The following MLH3 variants were observed in gnomAD, a reference collection of about 807,000 sequenced individuals.
MLH3 encodes DNA mismatch repair protein Mlh3.
Under a neutral mutation model 122.2 loss-of-function variants are expected in MLH3, and 82 were observed. The observed-to-expected ratio is 0.67, with a 90% CI of 0.56 to 0.81. The LOEUF (loss-of-function observed/expected upper bound fraction) is 0.81, where lower values mean the gene tolerates loss of function less well. MLH3 is among the 30% of genes least tolerant of loss of function. MLH3 has a pLI of 0.00. For missense variants in MLH3, 1,539 were observed against 1,714.5 expected (o/e 0.90, Z 1.81); for synonymous variants, 524 against 599.5 (o/e 0.87, Z 1.84).
chr14:75,033,269 C>T, intron 7 of MLH3, 150 bp downstream of exon 7: 1 of 710,854 alleles, frequency 1.4e-6, no homozygotes, highest in Non-Finnish European at 2.5e-6. Context: ...TCAATTATAA[C>T]ACAGGCCAAA....
chr14:75,050,672 T>C (rs532836072), intron 1 of MLH3, among the ~76,000 whole-genome samples: 2 of 152,262 alleles, frequency 1.3e-5, no homozygotes, highest in African/African-American at 4.8e-5. Flanking sequence ...AGTGCTGGGA[T>C]TACAGGTGTG....
intron 1 of MLH3, 29 bp from the exon 2 acceptor site, chr14:75,049,747 A>T (rs1892542405): frequency 2.4e-6 from 3 of 1,248,754 alleles, no homozygotes; most frequent in Admixed American, 2.0e-5. Flanking sequence ...ACACACGCAC[A>T]TAATCAAAGC....
chr14:75,025,941 C>T (rs186629928), intron 9 of MLH3, among the ~76,000 whole-genome samples: 2 of 152,288 alleles, frequency 1.3e-5, no homozygotes, highest in East Asian at 1.9e-4. Context: ...ATTCCTTTCA[C>T]GTTTGATTGC....
chr14:75,026,888 C>T (rs1487027186), intron 9 of MLH3, among the ~76,000 whole-genome samples: 1 of 152,074 alleles, frequency 6.6e-6, no homozygotes, highest in Non-Finnish European at 1.5e-5. Context: ...CACCTGAGGT[C>T]AGGAGTTTGA....
At chr14:75,037,561 G>A (rs1891503351) in intron 6 of MLH3, among the ~76,000 whole-genome samples, 1 of 152,022 alleles carries the variant, frequency 6.6e-6, no homozygotes, top group Non-Finnish European at 1.5e-5. Context: ...TGTAAATATT[G>A]ACAAACCTAG....
chr14:75,040,449 CAAAAAAAAAAAAAAAAAAA>C (rs36233766), intron 4 of MLH3, among the ~76,000 whole-genome samples: 39 of 35,592 alleles, frequency 1.1e-3, no homozygotes, highest in African/African-American at 3.5e-3. Flanking sequence ...GACTCTGTCA[CAAAAAAAAAAAAAAAAAAA>C]AAAAAAAAAA....
rs1278350332 is a variant in MLH3, at chr14:75,017,177, G to A, written c.4267C>T (p.Arg1423Cys). 10 of 1,611,820 alleles carry A rather than the reference G, an allele frequency of 6.2e-6. No homozygotes were observed. Among genetic ancestry groups the A allele is most frequent in the East Asian group, 4.5e-5 (2 of 44,882 alleles). ...AGACGCCAGGCCTGGGCCATTTTGC[G>A]AAGTTTAGTGAGGTTGGGTTTAATC... ...KQIKPNLTKLRKMAQAWRLFG... is the reference protein window; with the variant it reads ...KQIKPNLTKLCKMAQAWRLFG... The change falls in exon 13 of 13, where the codon CGC becomes TGC. Residue 1423 changes from arginine (R) to cysteine (C), a missense_variant. Arg to Cys is a radical substitution (Grantham distance 180, BLOSUM62 -3). Coordinates refer to ENST00000355774, the MANE Select transcript of MLH3 (RefSeq NM_001040108.2).
intron 8 of MLH3, 141 bp downstream of exon 8, chr14:75,031,924 ACTT>A: frequency 1.4e-6 from 1 of 696,616 alleles, no homozygotes; most frequent in South Asian, 1.5e-5. Context: ...CTGCTCCACT[ACTT>A]AATAACTGCT....
rs61755654 is a variant in MLH3, at chr14:75,047,831, T to C, written c.1825A>G (p.Ile609Val). 6.8e-6 allele frequency: 11 copies of C among 1,613,534 alleles called. No individual in the cohort carries two copies. In the African/African-American group the frequency reaches 9.3e-5, roughly 14 times the overall value. ...TTTTCATTTTGTACTACATGAGTTA[T>C]AAAGCCAGTGGAACATAATTTAACT... is the stretch of plus-strand genomic sequence containing the variant. Reference protein sequence around the residue: ...GRVKLCSTGFITHVVQNEKTK... With the variant: ...GRVKLCSTGFVTHVVQNEKTK... Residue 609 changes from isoleucine to valine, a missense_variant, in exon 2 of 13, where the codon ATA becomes GTA. Physicochemically the swap from Ile to Val is conservative, Grantham distance 29. Transcript: ENST00000355774.
chr14:75,045,187 G>A (rs542040094), intron 2 of MLH3, among the ~76,000 whole-genome samples: 6 of 152,232 alleles, frequency 3.9e-5, no homozygotes, highest in East Asian at 3.9e-4. Flanking sequence ...AAAATTAGCC[G>A]GGTGTGGTAG....
chr14:75,038,805 T>C (rs1176647135), intron 5 of MLH3, among the ~76,000 whole-genome samples: 4 of 152,128 alleles, frequency 2.6e-5, no homozygotes, highest in Admixed American at 6.5e-5. Flanking sequence ...AAAACGATTA[T>C]GGAGAAACTA....
At chr14:75,035,062 C>CAAAAAA (rs36096670) in intron 6 of MLH3, among the ~76,000 whole-genome samples, 10 of 40,218 alleles carry the variant, frequency 2.5e-4, no homozygotes, top group Admixed American at 8.4e-4. Context: ...GACTCCATCT[C>CAAAAAA]AAAAAAAAAA....
At chr14:75,020,958 C>T (rs1280650484) in intron 11 of MLH3, 1 of 152,082 alleles carries the variant, frequency 6.6e-6, no homozygotes, top group African/African-American at 2.4e-5. Context: ...CTCACTGCAA[C>T]CTCTACCTCC....
At chr14:75,029,023 G>A (rs1476218518) in intron 9 of MLH3, among the ~76,000 whole-genome samples, 5 of 150,444 alleles carry the variant, frequency 3.3e-5, no homozygotes, top group South Asian at 2.1e-4. Flanking sequence ...GGTGGTGTGC[G>A]CCTGTAATCC....
At position 75,016,987 on chromosome 14, in the gene MLH3, C is replaced by G; in HGVS notation, c.*95G>C. The G allele has an allele frequency of 1.4e-6, 2 of 1,469,198 alleles. No individual in the cohort carries two copies. The highest frequency in any genetic ancestry group is 1.9e-6 in the Non-Finnish European group (2 of 1,054,384). 91.0% of individuals were successfully genotyped at this position (1,469,198 alleles called of 1,614,324 possible). The stretch of plus-strand genomic sequence containing the variant: ...GCTGCTCAGGGACACTGGGCTGATT[C>G]AGTCAGGGCCGTGCTGGTACCTGCT... On this transcript the variant is annotated 3_prime_UTR_variant, in exon 13 of 13. Coordinates refer to ENST00000355774, the MANE Select transcript of MLH3 (RefSeq NM_001040108.2).
intron 4 of MLH3, among the ~76,000 whole-genome samples, chr14:75,041,197 T>C (rs180776547): frequency 1.3e-5 from 2 of 152,230 alleles, no homozygotes. Context: ...GCCTCCTGAG[T>C]AGCTGAGACT....
intron 9 of MLH3, among the ~76,000 whole-genome samples, chr14:75,026,310 G>C (rs890949105): frequency 1.3e-5 from 2 of 151,894 alleles, no homozygotes; most frequent in Non-Finnish European, 2.9e-5. Context: ...GTGAGATTTG[G>C]GGAAAAAAAC....
At position 75,016,981 on chromosome 14, in the gene MLH3, C is replaced by T; in HGVS notation, c.*101G>A. On this transcript the variant is annotated 3_prime_UTR_variant, in exon 13 of 13. Coordinates refer to ENST00000355774, the MANE Select transcript of MLH3 (RefSeq NM_001040108.2). The stretch of plus-strand genomic sequence containing the variant: ...GTCTAAGCTGCTCAGGGACACTGGG[C>T]TGATTCAGTCAGGGCCGTGCTGGTA... 7.0e-7 allele frequency: 1 copy of T among 1,419,904 alleles called. No homozygotes were observed. Among genetic ancestry groups the T allele is most frequent in the Non-Finnish European group, 9.9e-7 (1 of 1,009,988 alleles). The allele number at this position is 1,419,904 out of a possible 1,614,324, so 88.0% of individuals were successfully genotyped here.
rs1891871425 is a variant in MLH3 at position 75,041,717 on chromosome 14, C to G, written c.3380-17G>C. 1 of 1,599,266 alleles carries G rather than the reference C, an allele frequency of 6.3e-7. No homozygotes were observed. The highest frequency in any genetic ancestry group is 1.7e-4 in the Middle Eastern group (1 of 6,020). On this transcript the variant is annotated splice_polypyrimidine_tract_variant and intron_variant, in intron 3 of 12. Coordinates refer to ENST00000355774, the MANE Select transcript of MLH3 (RefSeq NM_001040108.2). Reference sequence around the variant, plus strand: ...CCACAGTATCTAGGGCAAAAGGGAACAGGTAAAGTTGGCATCCAGAACCAC... The same window carrying G: ...CCACAGTATCTAGGGCAAAAGGGAAGAGGTAAAGTTGGCATCCAGAACCAC...
Sources: gnomAD v4.1 joint callset for allele counts (sites outside exome capture counted in the v4.1 genomes callset) on GRCh38, gnomAD v4.1.1 for gene constraint, MANE v1.5 for transcripts, NCBI Gene and HGNC (gene_info 2026-07-23, HGNC 2026-07-21) for gene names.